The following ESRRG variants were observed in gnomAD, a reference collection of about 807,000 sequenced individuals.
ESRRG encodes the protein estrogen related receptor gamma.
Under a neutral mutation model 44.0 loss-of-function variants are expected in ESRRG, and 13 were observed. The ratio of observed to expected loss-of-function variants is 0.30; its 90% CI spans 0.19 to 0.47. ESRRG has a LOEUF of 0.47. ESRRG is among the 20% of genes least tolerant of loss of function. ESRRG has a pLI of 1.00. For missense variants in ESRRG, 395 were observed against 580.6 expected (o/e 0.68, Z 3.29); for synonymous variants, 215 against 214.6 (o/e 1.00, Z -0.02).
intron 2 of ESRRG, among the ~76,000 whole-genome samples, chr1:216,787,599 CAAAAAAAAA>C (rs34433548): frequency 2.6e-5 from 2 of 76,440 alleles, no homozygotes; most frequent in Non-Finnish European, 5.0e-5. Flanking sequence ...AAGACTCCAT[CAAAAAAAAA>C]AAAAAAAAAA....
Position 216,747,691 on chromosome 1 carries a change from C to T in ESRRG, c.-13-70200G>A, listed in dbSNP as rs143647900. Among the ~76,000 whole-genome samples, 254 of 152,268 alleles carry T rather than the reference C, an allele frequency of 1.7e-3. 2 individuals carry two copies. The highest frequency in any genetic ancestry group is 5.8e-3 in the African/African-American group (243 of 41,552). On this transcript the variant is annotated intron_variant, in intron 2 of 7. Coordinates refer to the ESRRG transcript ENST00000359162. The stretch of plus-strand genomic sequence containing the variant: ...GGTTCTGCTGTGAGCAATTTGTGGA[C>T]TTTGAGCGAAACGTTCAATCATTTT...
intron 2 of ESRRG, among the ~76,000 whole-genome samples, chr1:216,760,222 G>T (rs941929560): frequency 3.3e-5 from 5 of 151,014 alleles, no homozygotes; most frequent in African/African-American, 1.2e-4. Context: ...GAAAAAAAGG[G>T]TGTGTATCTT....
At chr1:216,657,584 G>A (rs1329024995) in intron 2 of ESRRG, among the ~76,000 whole-genome samples, 1 of 152,092 alleles carries the variant, frequency 6.6e-6, no homozygotes, top group Non-Finnish European at 1.5e-5. Flanking sequence ...TGAAGCTATT[G>A]TGAGACTCTG....
intron 3 of ESRRG, among the ~76,000 whole-genome samples, chr1:216,646,638 C>T (rs536701539): frequency 2.6e-5 from 4 of 152,286 alleles, no homozygotes; most frequent in Admixed American, 1.3e-4. Context: ...ACATGGTATG[C>T]TAAGCTCTCA....
intron 1 of ESRRG, among the ~76,000 whole-genome samples, chr1:216,970,339 A>G (rs1240828804): frequency 6.6e-6 from 1 of 152,236 alleles, no homozygotes; most frequent in African/African-American, 2.4e-5. Flanking sequence ...CCATTAAAGC[A>G]GGAATTTGCT....
chr1:216,762,358 T>C (rs1576273477), intron 2 of ESRRG, among the ~76,000 whole-genome samples: 1 of 152,048 alleles, frequency 6.6e-6, no homozygotes, highest in South Asian at 2.1e-4. Context: ...ATATACACTA[T>C]GGAATACTAT....
At chr1:217,060,831 G>GATAGATAGATAGA (rs2088269540) in intron 1 of ESRRG, among the ~76,000 whole-genome samples, 1 of 129,724 alleles carries the variant, frequency 7.7e-6, no homozygotes, top group Admixed American at 8.3e-5. Context: ...TAGATAGATA[G>GATAGATAGATAGA]AAAAAAGGGA....
intron 6 of ESRRG, among the ~76,000 whole-genome samples, chr1:216,508,710 G>C (rs2041893641): frequency 6.6e-6 from 1 of 152,118 alleles, no homozygotes; most frequent in South Asian, 2.1e-4. Flanking sequence ...GGTAATCTTA[G>C]GGACAGAAAA....
chr1:216,815,132 G>A (rs906167193), intron 2 of ESRRG, among the ~76,000 whole-genome samples: 7 of 152,150 alleles, frequency 4.6e-5, no homozygotes, highest in African/African-American at 1.7e-4. Flanking sequence ...GTGGTCTTAG[G>A]TGAGCACATT....
At chr1:217,036,475 A>G (rs1448630565) in intron 1 of ESRRG, among the ~76,000 whole-genome samples, 2 of 152,232 alleles carry the variant, frequency 1.3e-5, no homozygotes, top group Admixed American at 6.5e-5. Flanking sequence ...ATGGAACACT[A>G]TGCAGCCATA....
intron 1 of ESRRG, among the ~76,000 whole-genome samples, chr1:217,123,597 T>C (rs943027979): frequency 6.6e-6 from 1 of 152,286 alleles, no homozygotes; most frequent in South Asian, 2.1e-4. Context: ...GATCATGTCC[T>C]TCGCAGGGGC....
intron 5 of ESRRG, among the ~76,000 whole-genome samples, chr1:216,521,052 G>A (rs1391314126): frequency 6.6e-6 from 1 of 152,012 alleles, no homozygotes; most frequent in African/African-American, 2.4e-5. Context: ...TTTTCTTAAG[G>A]GAATCTTTAA....
chr1:216,706,703 C>G lies in ESRRG; in HGVS notation c.56+16541G>C, dbSNP rs2151929145. ...TCTCTCGAGATATTTCTGGCATATT[C>G]CGATTGGCAATGGTGCCCTGATACC... On this transcript the variant is annotated intron_variant, in intron 1 of 6. Coordinates refer to ENST00000408911, the MANE Select transcript of ESRRG (RefSeq NM_001438.4). Among the ~76,000 whole-genome samples the G allele has an allele frequency of 2.0e-5, 3 of 152,220 alleles. 1 individual carries two copies. The South Asian group carries it at 6.2e-4, about 32-fold the overall frequency.
chr1:216,922,535 A>C (rs2061973882), intron 2 of ESRRG, among the ~76,000 whole-genome samples: 1 of 152,222 alleles, frequency 6.6e-6, no homozygotes, highest in Non-Finnish European at 1.5e-5. Flanking sequence ...TTCATTAACT[A>C]GGTAGAATTA....
intron 6 of ESRRG, among the ~76,000 whole-genome samples, chr1:216,508,608 C>G (rs1558152402): frequency 6.6e-6 from 1 of 152,202 alleles, no homozygotes; most frequent in Non-Finnish European, 1.5e-5. Flanking sequence ...TCTCTCCAGT[C>G]TGGTTCCTCT....
At chr1:216,730,241 C>G (rs1249986151) in intron 2 of ESRRG, among the ~76,000 whole-genome samples, 1 of 141,632 alleles carries the variant, frequency 7.1e-6, no homozygotes, top group African/African-American at 2.6e-5. Flanking sequence ...AGTTCTGAAC[C>G]TAAGAGATAA....
chr1:216,552,763 T>A (rs1279193455), intron 5 of ESRRG, among the ~76,000 whole-genome samples: 3 of 152,156 alleles, frequency 2.0e-5, no homozygotes, highest in Non-Finnish European at 2.9e-5. Context: ...CAGAATCGAC[T>A]TTTTGGGGAA....
At chr1:216,850,782 A>G (rs879281914) in intron 2 of ESRRG, among the ~76,000 whole-genome samples, 4 of 152,076 alleles carry the variant, frequency 2.6e-5, no homozygotes, top group African/African-American at 4.8e-5. Flanking sequence ...GATATTGATC[A>G]TAAGTTTCAT....
In ESRRG at chr1:216,738,538, T is replaced by G. The variant is rs200809149; in HGVS notation, c.-13-61047A>C. 6.6e-5 allele frequency among the ~76,000 whole-genome samples: 10 copies of G among 152,384 alleles called. No homozygotes were observed. In the East Asian group the frequency reaches 1.9e-3, roughly 29 times the overall value. On this transcript the variant is annotated intron_variant, in intron 2 of 7. Transcript: ENST00000359162. ...AATAAAATTTAGTTGCTTTTCATTTTCTTCCTTATATTCTTATGTATTGTT... is the reference window on the plus strand; with the variant it reads ...AATAAAATTTAGTTGCTTTTCATTTGCTTCCTTATATTCTTATGTATTGTT...
Sources: allele counts gnomAD v4.1 joint callset (sites outside exome capture counted in the v4.1 genomes callset), GRCh38; gene constraint gnomAD v4.1.1; transcripts MANE v1.5; gene names NCBI Gene and HGNC (gene_info 2026-07-23, HGNC 2026-07-21).